SYTL4: variants seen among roughly 807,000 people sequenced by gnomAD.
SYTL4 encodes the protein synaptotagmin like 4.
A neutral mutation model predicts 52.7 loss-of-function variants in SYTL4; 16 were observed. The ratio of observed to expected loss-of-function variants is 0.30; its 90% confidence interval spans 0.21 to 0.46. SYTL4 has a LOEUF of 0.46. SYTL4 is among the 20% of genes least tolerant of loss of function. SYTL4 has a pLI of 1.00. For missense variants in SYTL4, 423 were observed against 519.9 expected (o/e 0.81, Z 1.81); for synonymous variants, 160 against 186.6 (o/e 0.86, Z 1.16).
At chrX:100,702,290 A>C (rs935633928) in intron 4 of SYTL4, among the ~76,000 whole-genome samples, 183 bp from the exon 5 acceptor site, 2 of 111,977 alleles carry the variant, frequency 1.8e-5, no homozygotes, top group Admixed American at 1.9e-4. Context: ...AGAGTCCTTG[A>C]TTTTTCAGAA....
Position 100,701,518 on chromosome X carries a change from C to T in SYTL4, c.266G>A (p.Arg89Gln), listed in dbSNP as rs376514435. ...TCRGCNHLVC[R>Q]DCRIQESNGT... is the part of the protein sequence containing the mutation. The stretch of plus-strand genomic sequence containing the variant: ...ATTGCTTTCCTGTATGCGGCAGTCC[C>T]GACACACCAGGTGATTACAACCCCG... The change falls in exon 6 of 20, where the codon CGG becomes CAG. Residue 89 changes from arginine to glutamine, a missense_variant. Transcript: ENST00000372989. 115 of 1,209,909 alleles carry T rather than the reference C, an allele frequency of 9.5e-5. No individual in the cohort carries two copies. Among genetic ancestry groups the T allele is most frequent in the African/African-American group, 8.1e-4 (46 of 57,111 alleles).
chrX:100,687,607 G>A (rs984780830), intron 13 of SYTL4: 3 of 156,270 alleles, frequency 1.9e-5, no homozygotes, highest in African/African-American at 9.1e-5. Flanking sequence ...CAGCTAGAAG[G>A]GGGTTAGTTA....
chrX:100,697,286 C>G (rs2083724878), intron 8 of SYTL4, among the ~76,000 whole-genome samples: 1 of 112,046 alleles, frequency 8.9e-6, no homozygotes. Flanking sequence ...CCTTCTGCAC[C>G]TACCCCTTCA....
intron 2 of SYTL4, among the ~76,000 whole-genome samples, chrX:100,717,826 T>C (rs1479362870): frequency 8.9e-6 from 1 of 111,980 alleles, no homozygotes; most frequent in Non-Finnish European, 1.9e-5. Context: ...GACCTGTGAA[T>C]GTTCTGTAAC....
At chrX:100,727,954 T>C (rs974614022) in intron 2 of SYTL4, among the ~76,000 whole-genome samples, 1 of 111,329 alleles carries the variant, frequency 9.0e-6, no homozygotes, top group African/African-American at 3.3e-5. Context: ...CAAGCAGAGA[T>C]GTCAAATAGG....
chrX:100,679,500 C>A, intron 17 of SYTL4, 88 bp from the exon 18 acceptor site: 1 of 741,959 alleles, frequency 1.3e-6, no homozygotes, highest in Non-Finnish European at 2.1e-6. Flanking sequence ...TCTTTGCTTG[C>A]TCCTAAAGGC....
intron 2 of SYTL4, among the ~76,000 whole-genome samples, chrX:100,705,830 C>G (rs1292357974): frequency 8.9e-6 from 1 of 111,746 alleles, no homozygotes; most frequent in East Asian, 2.8e-4. Context: ...ATGGACCTGA[C>G]CAACCAGAAC....
chrX:100,704,569 T>C (rs910507954), intron 3 of SYTL4, among the ~76,000 whole-genome samples: 4 of 112,194 alleles, frequency 3.6e-5, no homozygotes, highest in African/African-American at 6.5e-5. Context: ...ACAGCCCTCA[T>C]AGCAATAGAA....
chrX:100,729,441 G>A (rs761706867), intron 2 of SYTL4, among the ~76,000 whole-genome samples: 1 of 110,387 alleles, frequency 9.1e-6, no homozygotes, highest in Non-Finnish European at 1.9e-5. Flanking sequence ...CATATGGAAT[G>A]TTCAGGGAAG....
intron 16 of SYTL4, among the ~76,000 whole-genome samples, chrX:100,682,704 C>T (rs2083399027): frequency 1.8e-5 from 2 of 110,932 alleles, no homozygotes; most frequent in Admixed American, 1.9e-4. Context: ...CAGACCCTGT[C>T]CCTCCCCCCA....
At chrX:100,718,799 CTTT>C (rs372135486) in intron 2 of SYTL4, among the ~76,000 whole-genome samples, 2 of 98,176 alleles carry the variant, frequency 2.0e-5, no homozygotes, top group Non-Finnish European at 2.0e-5. Flanking sequence ...CTTTTCACTC[CTTT>C]TTTTTTTTTT....
rs762246741 is a variant in SYTL4, at chrX:100,675,452, G to A, written c.*576C>T. The A allele has an allele frequency of 1.8e-5, 2 of 112,798 alleles. No homozygotes were observed. The highest frequency in any genetic ancestry group is 3.7e-5 in the Non-Finnish European group (2 of 53,357). 9.3% of individuals were successfully genotyped at this position (112,798 alleles called of 1,213,427 possible). ...ATTAGACCAAAGCAAGGTGGAAACT[G>A]CTTAAAAACTAGAAAAGTTAAATTT... On this transcript the variant is annotated 3_prime_UTR_variant, in exon 20 of 20. Transcript: ENST00000372989.
At chrX:100,711,590 G>T (rs1214507328) in intron 2 of SYTL4, among the ~76,000 whole-genome samples, 2 of 110,971 alleles carry the variant, frequency 1.8e-5, no homozygotes, top group Non-Finnish European at 3.8e-5. Flanking sequence ...TGAAGACATA[G>T]CAATAGAAAT....
chrX:100,690,275 A>G (rs1163708796), intron 10 of SYTL4, 110 bp from the exon 11 acceptor site: 1 of 547,800 alleles, frequency 1.8e-6, no homozygotes, highest in Non-Finnish European at 3.0e-6. Context: ...TCGCTAAACT[A>G]TGACAAACTT....
intron 2 of SYTL4, among the ~76,000 whole-genome samples, chrX:100,725,530 A>T (rs1446819859): frequency 8.9e-6 from 1 of 112,674 alleles, no homozygotes; most frequent in Non-Finnish European, 1.9e-5. Flanking sequence ...TGGCAAATGT[A>T]AATTAGTAAG....
Position 100,675,919 on chromosome X carries a change from CAT to C in SYTL4, c.*107_*108del, listed in dbSNP as rs2083269514. 2.4e-3 allele frequency: 1,622 copies of C among 688,871 alleles called. No homozygotes were observed. Among genetic ancestry groups the C allele is most frequent in the Non-Finnish European group, 3.0e-3 (1,437 of 476,907 alleles). The allele number at this position is 688,871 out of a possible 1,213,427, so 56.8% of individuals were successfully genotyped here. On this transcript the variant is annotated 3_prime_UTR_variant, in exon 20 of 20. Transcript: ENST00000372989. The stretch of plus-strand genomic sequence containing the variant: ...ATACACACACACACACACACACACA[CAT>C]ACACACATACACACATACACATTAA...
intron 2 of SYTL4, among the ~76,000 whole-genome samples, chrX:100,723,473 C>T (rs1052179135): frequency 3.6e-5 from 4 of 112,030 alleles, no homozygotes; most frequent in Non-Finnish European, 5.6e-5. Flanking sequence ...CTCACTACAA[C>T]CTCCACCTCC....
chrX:100,713,115 A>G (rs775605032), intron 2 of SYTL4, among the ~76,000 whole-genome samples: 1 of 112,373 alleles, frequency 8.9e-6, no homozygotes, highest in African/African-American at 3.2e-5. Flanking sequence ...CATATGACCC[A>G]GGCTTTCCAC....
intron 2 of SYTL4, among the ~76,000 whole-genome samples, chrX:100,730,196 T>A (rs7054049): frequency 3.5e-4 from 39 of 111,604 alleles, no homozygotes; most frequent in African/African-American, 1.3e-3. Context: ...TTCATCTAAT[T>A]ACACTCAGGG....
Sources: gnomAD v4.1 joint callset for allele counts (sites outside exome capture counted in the v4.1 genomes callset) on GRCh38, gnomAD v4.1.1 for gene constraint, MANE v1.5 for transcripts, NCBI Gene and HGNC (gene_info 2026-07-23, HGNC 2026-07-21) for gene names.